COL26A1: variants seen among roughly 807,000 people sequenced by gnomAD.
The protein encoded by COL26A1 is collagen alpha-1(XXVI) chain.
A neutral mutation model predicts 59.3 loss-of-function variants in COL26A1; 41 were observed. That is an observed-to-expected ratio of 0.69 (90% CI 0.54 to 0.90). The LOEUF (loss-of-function observed/expected upper bound fraction) is 0.90. Ranked by LOEUF, COL26A1 falls within the 40% of genes least tolerant of loss-of-function variation. The pLI is 0.00. For missense variants in COL26A1, 612 were observed against 602.3 expected, an observed-to-expected ratio of 1.02 and a Z score of -0.17; for synonymous variants, 266 against 256.0, an observed-to-expected ratio of 1.04 and a Z score of -0.37.
At chr7:101,467,875 A>G (rs1366826398) in intron 3 of COL26A1, among the ~76,000 whole-genome samples, 1 of 151,968 alleles carries the variant, frequency 6.6e-6, no homozygotes, top group African/African-American at 2.4e-5. Context: ...TCAAAAGAAA[A>G]GAAAAAGAAA....
intron 3 of COL26A1, among the ~76,000 whole-genome samples, chr7:101,470,036 C>T (rs930279655): frequency 2.0e-5 from 3 of 151,630 alleles, no homozygotes; most frequent in East Asian, 1.9e-4. Context: ...GTTGAATCAG[C>T]GAAAGCAAGA....
chr7:101,401,539 G>A (rs1438102281), intron 1 of COL26A1, among the ~76,000 whole-genome samples: 2 of 148,660 alleles, frequency 1.3e-5, no homozygotes, highest in Non-Finnish European at 3.0e-5. Context: ...AGAAGGAGGA[G>A]GAAGAGGAAG....
At chr7:101,401,687 T>TGAG (rs146041214) in intron 1 of COL26A1, among the ~76,000 whole-genome samples, 1,346 of 122,622 alleles carry the variant, frequency 0.011, 34 homozygotes, top group African/African-American at 0.036. Flanking sequence ...TGTTGGAGGC[T>TGAG]GAGGAGGAGG....
chr7:101,378,088 T>A (rs1201796396), intron 1 of COL26A1, among the ~76,000 whole-genome samples: 1 of 151,968 alleles, frequency 6.6e-6, no homozygotes, highest in African/African-American at 2.4e-5. Context: ...CATTTAAAAA[T>A]TTTTTGGGGG....
At chr7:101,451,839 G>C (rs925719942) in intron 3 of COL26A1, among the ~76,000 whole-genome samples, 2 of 151,726 alleles carry the variant, frequency 1.3e-5, no homozygotes, top group Admixed American at 6.6e-5. Context: ...TGAGTAGCAG[G>C]GATTACGGGC....
chr7:101,395,434 G>A (rs978823281), intron 1 of COL26A1, among the ~76,000 whole-genome samples: 3 of 152,166 alleles, frequency 2.0e-5, no homozygotes, highest in African/African-American at 2.4e-5. Context: ...TTGATCCCAC[G>A]GTGAAACCAC....
intron 3 of COL26A1, among the ~76,000 whole-genome samples, chr7:101,449,409 A>C (rs1793276642): frequency 6.6e-6 from 1 of 152,164 alleles, no homozygotes; most frequent in African/African-American, 2.4e-5. Flanking sequence ...AGGAGGCGAG[A>C]GTTGCTAGGG....
intron 3 of COL26A1, among the ~76,000 whole-genome samples, chr7:101,478,149 A>C (rs1328849217): frequency 2.0e-5 from 3 of 151,880 alleles, no homozygotes; most frequent in Non-Finnish European, 2.9e-5. Flanking sequence ...CGCCCACCTA[A>C]TTTTTGTGTT....
At chr7:101,513,482 G>A (rs1320518848) in intron 3 of COL26A1, among the ~76,000 whole-genome samples, 2 of 151,618 alleles carry the variant, frequency 1.3e-5, no homozygotes, top group South Asian at 2.1e-4. Context: ...ATGTGTCACC[G>A]TGCCCAGCTA....
At chr7:101,455,505 T>TTTC (rs1554414133) in intron 3 of COL26A1, among the ~76,000 whole-genome samples, 3 of 127,958 alleles carry the variant, frequency 2.3e-5, no homozygotes, top group East Asian at 2.5e-4. Context: ...TTTCTTTTCT[T>TTTC]TTTTTTTTTT....
At chr7:101,484,073 C>T (rs1160466040) in intron 3 of COL26A1, among the ~76,000 whole-genome samples, 6 of 149,162 alleles carry the variant, frequency 4.0e-5, no homozygotes, top group Non-Finnish European at 8.9e-5. Context: ...TGGCCTTGAA[C>T]TCCTGGCCTT....
intron 1 of COL26A1, among the ~76,000 whole-genome samples, chr7:101,407,111 C>G (rs1249779714): frequency 6.6e-6 from 1 of 152,166 alleles, no homozygotes; most frequent in Non-Finnish European, 1.5e-5. Context: ...GGTATCTACT[C>G]CACCCACTGT....
chr7:101,555,767 G>A lies in COL26A1; in HGVS notation c.1081-20G>A. On this transcript the variant is annotated intron_variant, in intron 11 of 12. Coordinates refer to ENST00000313669, the MANE Select transcript of COL26A1 (RefSeq NM_001278563.3). The stretch of plus-strand genomic sequence containing the variant: ...CTTCCTCATGGCCGGCCCTGACCCT[G>A]CCTGTTTCCTCCCCGCCAGGGCGAG... The A allele has an allele frequency of 1.3e-6, 2 of 1,596,484 alleles. No individual in the cohort carries two copies. Among genetic ancestry groups the A allele is most frequent in the African/African-American group, 1.3e-5 (1 of 74,736 alleles).
chr7:101,444,421 T>C (rs1027950572), intron 2 of COL26A1, among the ~76,000 whole-genome samples: 1 of 150,810 alleles, frequency 6.6e-6, no homozygotes, highest in Non-Finnish European at 1.5e-5. Flanking sequence ...TTTCTTCTTT[T>C]TTTTTTTTTT....
chr7:101,429,589 C>CTTTTTTTTTT lies in COL26A1; in HGVS notation c.281+9502_281+9511dup, dbSNP rs58432413. On this transcript the variant is annotated intron_variant, in intron 2 of 12. Transcript: ENST00000313669. The stretch of plus-strand genomic sequence containing the variant: ...ATTCTTTTTTTTCCTTTCTTTTTTA[C>CTTTTTTTTTT]TTTTTTTTTTTTTTTTTTTTTGAGA... Among the ~76,000 whole-genome samples the CTTTTTTTTTT allele has an allele frequency of 3.6e-3, 285 of 78,662 alleles. 20 individuals carry two copies. Among genetic ancestry groups the CTTTTTTTTTT allele is most frequent in the African/African-American group, 8.0e-3 (154 of 19,364 alleles). 51.6% of individuals were successfully genotyped at this position (78,662 alleles called of 152,430 possible).
intron 1 of COL26A1, among the ~76,000 whole-genome samples, chr7:101,371,188 A>G (rs542570378): frequency 6.6e-6 from 1 of 152,292 alleles, no homozygotes; most frequent in East Asian, 1.9e-4. Flanking sequence ...CTGGGGACTC[A>G]AACGTGAAGG....
chr7:101,459,301 TTTG>T lies in COL26A1; in HGVS notation c.385+11520_385+11522del, dbSNP rs1264810321. 5.3e-5 allele frequency among the ~76,000 whole-genome samples: 8 copies of T among 152,000 alleles called. No individual in the cohort carries two copies. In the South Asian group the frequency reaches 1.2e-3, roughly 24 times the overall value. ...TAGAGTTCTTTTGTTTGTTTGTTTG[TTTG>T]TTGTTTGTTTTTTGAGACGGAGTCT... On this transcript the variant is annotated intron_variant, in intron 3 of 12. Coordinates refer to ENST00000313669, the MANE Select transcript of COL26A1 (RefSeq NM_001278563.3).
At chr7:101,402,589 TCTTC>T (rs1023353627) in intron 1 of COL26A1, among the ~76,000 whole-genome samples, 20 of 151,926 alleles carry the variant, frequency 1.3e-4, no homozygotes, top group African/African-American at 4.3e-4. Context: ...CATTCTTTTT[TCTTC>T]CTTCCTTCTT....
chr7:101,547,284 C>CA (rs1562800406), intron 8 of COL26A1, 45 bp downstream of exon 8: 4 of 1,396,482 alleles, frequency 2.9e-6, no homozygotes, highest in Middle Eastern at 1.8e-4. Flanking sequence ...TCCATCCCCC[C>CA]AGGGCTGGCC....
Sources: gnomAD v4.1 joint callset for allele counts (sites outside exome capture counted in the v4.1 genomes callset) on GRCh38, gnomAD v4.1.1 for gene constraint, MANE v1.5 for transcripts, NCBI Gene and HGNC (gene_info 2026-07-23, HGNC 2026-07-21) for gene names.